The following RALYL variants were observed in gnomAD, a reference collection of about 807,000 sequenced individuals.
RALYL encodes RNA-binding Raly-like protein.
Under a neutral mutation model 35.1 loss-of-function variants are expected in RALYL, and 29 were observed. That is an observed-to-expected ratio of 0.83 (90% CI 0.61 to 1.13). The LOEUF (loss-of-function observed/expected upper bound fraction) is 1.13. Among genes scored for constraint, RALYL ranks in the 50% most tolerant of loss-of-function variants. RALYL has a pLI of 0.00. For missense variants in RALYL, 359 were observed against 360.4 expected (o/e 1.00, Z 0.03); for synonymous variants, 120 against 127.6 (o/e 0.94, Z 0.40).
intron 3 of RALYL, among the ~76,000 whole-genome samples, chr8:84,792,827 G>T (rs1038554265): frequency 1.3e-5 from 2 of 152,190 alleles, no homozygotes; most frequent in Non-Finnish European, 2.9e-5. Context: ...GAAGCTGTTT[G>T]TACTCTTCAA....
intron 1 of RALYL, among the ~76,000 whole-genome samples, chr8:84,496,461 T>G (rs13253537): frequency 0.44 from 67,409 of 151,838 alleles, 15,043 homozygotes; most frequent in South Asian, 0.52. Flanking sequence ...CCCTTGTAAT[T>G]CTGGTTTGGT....
chr8:84,207,794 CATA>C (rs1818403500), intron 1 of RALYL, among the ~76,000 whole-genome samples: 1 of 147,526 alleles, frequency 6.8e-6, no homozygotes, highest in Non-Finnish European at 1.5e-5. Flanking sequence ...ATAATCATTT[CATA>C]ATGTGTGTGT....
intron 1 of RALYL, among the ~76,000 whole-genome samples, chr8:84,395,016 A>G (rs191108894): frequency 6.6e-6 from 1 of 152,030 alleles, no homozygotes; most frequent in African/African-American, 2.4e-5. Flanking sequence ...GTTAAAGTAT[A>G]CATGTTCCTG....
rs117944645 is a variant in RALYL, at chr8:84,794,811, C to T, written c.333-9959C>T. On this transcript the variant is annotated intron_variant, in intron 3 of 8. Coordinates refer to ENST00000521268, the MANE Select transcript of RALYL (RefSeq NM_173848.7). ...TTGCCAGGAGGTTCTTTATCCTTCA[C>T]CTCCATTCCTGTTGCTACAGTTCAT... 9.8e-3 allele frequency among the ~76,000 whole-genome samples: 1,500 copies of T among 152,290 alleles called. 19 individuals are homozygous for T. Among genetic ancestry groups the T allele is most frequent in the Admixed American group, 0.019 (285 of 15,294 alleles).
At chr8:84,818,790 T>C (rs781112861) in intron 4 of RALYL, among the ~76,000 whole-genome samples, 4 of 152,160 alleles carry the variant, frequency 2.6e-5, no homozygotes, top group South Asian at 2.1e-4. Flanking sequence ...AGGACTTGAA[T>C]AGAATGAAAT....
intron 2 of RALYL, among the ~76,000 whole-genome samples, chr8:84,664,073 A>T (rs1186793222): frequency 3.3e-5 from 5 of 152,032 alleles, no homozygotes; most frequent in Non-Finnish European, 7.4e-5. Flanking sequence ...TAAATAGAGA[A>T]TCCTTTCCCC....
At chr8:84,294,519 A>G (rs915012238) in intron 1 of RALYL, among the ~76,000 whole-genome samples, 1 of 152,138 alleles carries the variant, frequency 6.6e-6, no homozygotes, top group South Asian at 2.1e-4. Context: ...GCTTGACTGG[A>G]AAATTAATAA....
intron 6 of RALYL, among the ~76,000 whole-genome samples, chr8:84,870,616 A>C (rs1345499118): frequency 1.3e-5 from 2 of 151,760 alleles, no homozygotes; most frequent in East Asian, 3.9e-4. Context: ...ACTACTAGAG[A>C]ATAGTAAGCA....
At chr8:84,185,783 A>C (rs565406844) in intron 1 of RALYL, among the ~76,000 whole-genome samples, 1 of 152,336 alleles carries the variant, frequency 6.6e-6, no homozygotes, top group East Asian at 1.9e-4. Context: ...AACTACAGAA[A>C]TAAAAACTGA....
At chr8:84,683,306 A>T (rs2132023330) in intron 2 of RALYL, among the ~76,000 whole-genome samples, 1 of 152,232 alleles carries the variant, frequency 6.6e-6, no homozygotes, top group Non-Finnish European at 1.5e-5. Flanking sequence ...TGCTGAAAAG[A>T]ATGTATATTC....
intron 2 of RALYL, among the ~76,000 whole-genome samples, chr8:84,625,187 T>C (rs975254034): frequency 6.6e-6 from 1 of 152,220 alleles, no homozygotes; most frequent in East Asian, 1.9e-4. Context: ...TAATTGAACA[T>C]TACTGGTACC....
At chr8:84,784,997 G>A (rs1208444311) in intron 3 of RALYL, among the ~76,000 whole-genome samples, 4 of 151,798 alleles carry the variant, frequency 2.6e-5, no homozygotes, top group Non-Finnish European at 5.9e-5. Flanking sequence ...TCTGAGAGTT[G>A]ACATCTATTT....
intron 2 of RALYL, among the ~76,000 whole-genome samples, chr8:84,729,560 AC>A (rs1845708043): frequency 6.6e-6 from 1 of 152,148 alleles, no homozygotes; most frequent in South Asian, 2.1e-4. Flanking sequence ...AAATAGAGAC[AC>A]AAAAAACCCT....
At chr8:84,578,116 G>T (rs1034927278) in intron 2 of RALYL, among the ~76,000 whole-genome samples, 1 of 152,200 alleles carries the variant, frequency 6.6e-6, no homozygotes, top group East Asian at 1.9e-4. Context: ...GAGTGGCAAG[G>T]GGTGCATAAG....
At chr8:84,618,500 CT>C (rs1820417044) in intron 2 of RALYL, among the ~76,000 whole-genome samples, 1 of 143,082 alleles carries the variant, frequency 7.0e-6, no homozygotes, top group East Asian at 2.0e-4. Context: ...CTTTATTAGT[CT>C]TGCTAGCGGT....
intron 2 of RALYL, among the ~76,000 whole-genome samples, chr8:84,774,219 T>A (rs1816287456): frequency 6.6e-6 from 1 of 152,116 alleles, no homozygotes; most frequent in African/African-American, 2.4e-5. Context: ...ACCCTGTCTT[T>A]TAGGGAAAAA....
chr8:84,359,294 T>C (rs894616662), intron 1 of RALYL, among the ~76,000 whole-genome samples: 5 of 151,854 alleles, frequency 3.3e-5, no homozygotes, highest in African/African-American at 7.2e-5. Context: ...CTATTATCTT[T>C]TAGGTTTCTA....
At chr8:84,789,945 A>C (rs1820406271) in intron 3 of RALYL, among the ~76,000 whole-genome samples, 1 of 152,368 alleles carries the variant, frequency 6.6e-6, no homozygotes, top group Admixed American at 6.5e-5. Context: ...GAAAGAAATA[A>C]GTAATATCAG....
intron 1 of RALYL, among the ~76,000 whole-genome samples, chr8:84,504,670 G>T (rs1175108422): frequency 6.6e-6 from 1 of 152,120 alleles, no homozygotes; most frequent in African/African-American, 2.4e-5. Context: ...AGCCTGAAAA[G>T]ATGTCCATAT....
Sources: gnomAD v4.1 joint callset for allele counts (sites outside exome capture counted in the v4.1 genomes callset) on GRCh38, gnomAD v4.1.1 for gene constraint, MANE v1.5 for transcripts, NCBI Gene and HGNC (gene_info 2026-07-23, HGNC 2026-07-21) for gene names.